Variants in PCDHA6 observed in about 807,000 individuals in gnomAD.
PCDHA6 encodes the protein protocadherin alpha 6, also known as protocadherin alpha-6.
PCDHA6 carries 55 observed loss-of-function variants against 60.3 expected under a neutral mutation model. The observed-to-expected ratio is 0.91, with a 90% CI of 0.73 to 1.14. The LOEUF (loss-of-function observed/expected upper bound fraction) is 1.14, where lower values mean the gene tolerates loss of function less well. Ranked by LOEUF, PCDHA6 falls within the 50% of genes most tolerant of loss-of-function variation. PCDHA6 has a pLI of 0.00. For synonymous variants in PCDHA6, 652 were observed against 557.9 expected (o/e 1.17, Z -2.38); for missense variants, 1,327 against 1,256.5 (o/e 1.06, Z -0.85).
At chr5:140,927,639 G>T in intron 1 of PCDHA6, 11 of 1,614,194 alleles carry the variant, frequency 6.8e-6, no homozygotes, top group Non-Finnish European at 9.3e-6. Flanking sequence ...CACCCAATGG[G>T]ACTGTGTTAT....
At chr5:140,873,210 A>G (rs1372631390) in intron 1 of PCDHA6, among the ~76,000 whole-genome samples, 2 of 152,208 alleles carry the variant, frequency 1.3e-5, no homozygotes, top group African/African-American at 4.8e-5. Flanking sequence ...TTCTTTAAGT[A>G]TTAAAGAGAA....
At chr5:140,870,751 C>T in intron 1 of PCDHA6, 3 of 1,613,546 alleles carry the variant, frequency 1.9e-6, no homozygotes, top group Non-Finnish European at 2.5e-6. Context: ...CAACGTGACG[C>T]TGCAGGTGTT....
intron 1 of PCDHA6, among the ~76,000 whole-genome samples, chr5:140,941,256 T>TTTCTTTCTTTCTTTCA (rs2092982969): frequency 2.2e-5 from 1 of 45,974 alleles, no homozygotes. Flanking sequence ...TCTTTCTTTC[T>TTTCTTTCTTTCTTTCA]CTTTCTTTCT....
Position 141,002,911 on chromosome 5 carries a change from G to C in PCDHA6, c.2543-6716G>C, listed in dbSNP as rs565172510. Among the ~76,000 whole-genome samples the C allele has an allele frequency of 3.3e-5, 5 of 152,330 alleles. No homozygotes were observed. The South Asian group carries it at 1.0e-3, about 32-fold the overall frequency. On this transcript the variant is annotated intron_variant, in intron 3 of 3. Transcript: ENST00000529310. ...ACAAAGCAAGATGAAGAGAAGATCA[G>C]AAAAGTGAACACCCTCCAACACCCT...
In PCDHA6 at chr5:140,936,000, C is replaced by T. The variant is rs370629183; in HGVS notation, c.2395-42949C>T. Among the ~76,000 whole-genome samples, 13 of 150,536 alleles carry T rather than the reference C, an allele frequency of 8.6e-5. No homozygotes were observed. In the East Asian group the frequency reaches 1.6e-3, roughly 18 times the overall value. ...CTCTGCCTCCCGGGTTCAAGCGATT[C>T]TCCCACCTCAGCCTCCCGAGTAGCG... On this transcript the variant is annotated intron_variant, in intron 1 of 3. Coordinates refer to ENST00000529310, the MANE Select transcript of PCDHA6 (RefSeq NM_018909.4).
At chr5:140,961,345 C>T (rs1440791542) in intron 1 of PCDHA6, among the ~76,000 whole-genome samples, 1 of 152,136 alleles carries the variant, frequency 6.6e-6, no homozygotes, top group Non-Finnish European at 1.5e-5. Context: ...AGAGTGGATC[C>T]CTGTAGTCCC....
At chr5:140,974,804 A>G (rs2096641388) in intron 1 of PCDHA6, among the ~76,000 whole-genome samples, 1 of 152,204 alleles carries the variant, frequency 6.6e-6, no homozygotes, top group Non-Finnish European at 1.5e-5. Context: ...TTGATATACT[A>G]GAAGACCAAT....
chr5:140,897,949 G>A (rs2066421771), intron 1 of PCDHA6, among the ~76,000 whole-genome samples: 2 of 152,308 alleles, frequency 1.3e-5, no homozygotes, highest in African/African-American at 2.4e-5. Context: ...GTGATGATTA[G>A]CATTTTTTCA....
At chr5:140,965,311 T>G (rs1415569065) in intron 1 of PCDHA6, among the ~76,000 whole-genome samples, 1 of 152,180 alleles carries the variant, frequency 6.6e-6, no homozygotes, top group Non-Finnish European at 1.5e-5. Context: ...TTCTACCTTC[T>G]CTTTTACTGA....
At position 140,966,633 on chromosome 5, in the gene PCDHA6, C is replaced by T. The variant is rs2096029445; in HGVS notation, c.2395-12316C>T. ...GGCCTACGGAGGGAGCGGCCCCAGG[C>T]GCTTTCTAGAGCGTGAGCGGTGGGG... On this transcript the variant is annotated intron_variant, in intron 1 of 3. Transcript: ENST00000529310. 9 of 1,005,684 alleles carry T rather than the reference C, an allele frequency of 8.9e-6. No homozygotes were observed. In the South Asian group the frequency reaches 1.6e-4, roughly 18 times the overall value. 62.3% of individuals were successfully genotyped at this position (1,005,684 alleles called of 1,614,324 possible).
In PCDHA6 at chr5:140,927,786, A is replaced by G. The variant is rs782728309; in HGVS notation, c.2395-51163A>G. 11 of 1,614,074 alleles carry G rather than the reference A, an allele frequency of 6.8e-6. No homozygotes were observed. The East Asian group carries it at 2.0e-4, about 29-fold the overall frequency. On this transcript the variant is annotated intron_variant, in intron 1 of 3. Transcript: ENST00000529310. ...GTGGGGAGGTGCAAGTAGCTGCTTC[A>G]CTAGGTCCGCCTGAAACGCTCTTGG...
rs1029317869 is a variant in PCDHA6 at position 140,928,735 on chromosome 5, A to G, written c.2395-50214A>G. ...TAGTCTCTTTAGAATTTCAGCCAAT[A>G]TAGGTGAGCTCCGTACTGCTCGCTT... On this transcript the variant is annotated intron_variant, in intron 1 of 3. Coordinates refer to ENST00000529310, the MANE Select transcript of PCDHA6 (RefSeq NM_018909.4). 35 of 1,614,082 alleles carry G rather than the reference A, an allele frequency of 2.2e-5. No individual in the cohort carries two copies. The highest frequency in any genetic ancestry group is 2.9e-5 in the Non-Finnish European group (34 of 1,180,020).
rs782769711 is a variant in PCDHA6 at position 140,857,323 on chromosome 5, C to G, written c.2394+26838C>G. 1.0e-5 allele frequency: 16 copies of G among 1,598,498 alleles called. 1 individual carries two copies. Among genetic ancestry groups the G allele is most frequent in the Admixed American group, 1.7e-5 (1 of 59,312 alleles). ...TGTCGGCCTATGAGCTGGTGGTGAC[C>G]GCGCGGGACGGGGGCTCGCCTCCGC... On this transcript the variant is annotated intron_variant, in intron 1 of 3. Coordinates refer to ENST00000529310, the MANE Select transcript of PCDHA6 (RefSeq NM_018909.4).
chr5:140,973,582 T>C lies in PCDHA6; in HGVS notation c.2395-5367T>C, dbSNP rs76146918. Among the ~76,000 whole-genome samples the C allele has an allele frequency of 4.6e-3, 708 of 152,364 alleles. 4 individuals are homozygous for C. The highest frequency in any genetic ancestry group is 0.016 in the African/African-American group (685 of 41,596). On this transcript the variant is annotated intron_variant, in intron 1 of 3. Coordinates refer to ENST00000529310, the MANE Select transcript of PCDHA6 (RefSeq NM_018909.4). ...TTTCCTCAATTTTTCTACAGACTGC[T>C]GAGCCAGATGGAATTATGGCTGAGC...
intron 3 of PCDHA6, among the ~76,000 whole-genome samples, chr5:140,986,473 CA>C (rs1217616254): frequency 6.6e-6 from 1 of 152,192 alleles, no homozygotes; most frequent in Non-Finnish European, 1.5e-5. Context: ...CTCTTGTGAT[CA>C]GTTCCTAGGG....
At chr5:141,009,602 T>G in intron 3 of PCDHA6, 25 bp from the exon 4 acceptor site, 1 of 1,608,136 alleles carries the variant, frequency 6.2e-7, no homozygotes, top group Non-Finnish European at 8.5e-7. Flanking sequence ...ACCCTGTTAA[T>G]GATTTGTAAT....
At chr5:140,974,905 A>G (rs1276795577) in intron 1 of PCDHA6, among the ~76,000 whole-genome samples, 2 of 152,208 alleles carry the variant, frequency 1.3e-5, no homozygotes, top group African/African-American at 4.8e-5. Context: ...TTTGTAACAA[A>G]TTACCACAAG....
At chr5:140,929,353 C>T in intron 1 of PCDHA6, 1 of 1,527,090 alleles carries the variant, frequency 6.5e-7, no homozygotes, top group Non-Finnish European at 8.8e-7. Context: ...AATTTGATTC[C>T]TTTGGCCCGG....
rs3806841 is a variant in PCDHA6, at chr5:140,855,953, T to C, written c.2394+25468T>C. On this transcript the variant is annotated intron_variant, in intron 1 of 3. Transcript: ENST00000529310. Reference sequence around the variant, plus strand: ...CATTCTGAGATCTCAGCCATTTCGATAAAAAATAGATATAAGAAATAGGAC... The same window carrying C: ...CATTCTGAGATCTCAGCCATTTCGACAAAAAATAGATATAAGAAATAGGAC... 9.7e-5 allele frequency: 134 copies of C among 1,381,096 alleles called. 3 individuals are homozygous for C. In the East Asian group the frequency reaches 3.0e-3, roughly 31 times the overall value. 85.6% of individuals were successfully genotyped at this position (1,381,096 alleles called of 1,614,324 possible).
Sources: gnomAD v4.1 joint callset for allele counts (sites outside exome capture counted in the v4.1 genomes callset) on GRCh38, gnomAD v4.1.1 for gene constraint, MANE v1.5 for transcripts, NCBI Gene and HGNC (gene_info 2026-07-23, HGNC 2026-07-21) for gene names.